Variants in ERBB4 observed in about 807,000 individuals in gnomAD.
The protein encoded by ERBB4 is erb-b2 receptor tyrosine kinase 4.
Under a neutral mutation model 158.0 loss-of-function variants are expected in ERBB4, and 42 were observed. That is an observed-to-expected ratio of 0.27 (90% confidence interval 0.21 to 0.34). The LOEUF (loss-of-function observed/expected upper bound fraction) is 0.34, where lower values mean the gene tolerates loss of function less well. ERBB4 is among the 10% of genes least tolerant of loss of function. ERBB4 has a pLI of 1.00. For synonymous variants in ERBB4, 583 were observed against 558.7 expected, an observed-to-expected ratio of 1.04 and a Z score of -0.61; for missense variants, 1,333 against 1,624.1, an observed-to-expected ratio of 0.82 and a Z score of 3.08.
At chr2:212,490,497 T>C (rs1247820381) in intron 1 of ERBB4, among the ~76,000 whole-genome samples, 2 of 151,896 alleles carry the variant, frequency 1.3e-5, no homozygotes, top group African/African-American at 4.8e-5. Flanking sequence ...GATTAGTATA[T>C]TATTTTTTAC....
chr2:212,318,141 T>G (rs2087380784), intron 1 of ERBB4, among the ~76,000 whole-genome samples: 1 of 151,516 alleles, frequency 6.6e-6, no homozygotes, highest in African/African-American at 2.4e-5. Context: ...CTCAGAAGTA[T>G]TATATAAATT....
Position 211,987,136 on chromosome 2 carries a change from C to A in ERBB4, c.235-39520G>T, listed in dbSNP as rs77377661. On this transcript the variant is annotated intron_variant, in intron 2 of 27. Transcript: ENST00000342788. ...AGAAGTTGAAGGCTGACCTAGCCAACATAGCAAAACCTGGTCTCTACTAAA... is the reference window on the plus strand; with the variant it reads ...AGAAGTTGAAGGCTGACCTAGCCAAAATAGCAAAACCTGGTCTCTACTAAA... Among the ~76,000 whole-genome samples, 554 of 151,968 alleles carry A rather than the reference C, an allele frequency of 3.6e-3. 2 individuals carry two copies. Among genetic ancestry groups the A allele is most frequent in the African/African-American group, 0.013 (529 of 41,466 alleles).
intron 1 of ERBB4, among the ~76,000 whole-genome samples, chr2:212,297,254 G>T (rs1490930976): frequency 6.6e-6 from 1 of 151,852 alleles, no homozygotes; most frequent in African/African-American, 2.4e-5. Context: ...AACAGTTTTG[G>T]CTTTCAATTA....
At chr2:212,105,498 C>T (rs148244458) in intron 2 of ERBB4, among the ~76,000 whole-genome samples, 25 of 152,234 alleles carry the variant, frequency 1.6e-4, no homozygotes, top group African/African-American at 4.3e-4. Context: ...TTAGCAATCA[C>T]GCTTTTTCTT....
At chr2:212,376,243 A>C (rs1475268409) in intron 1 of ERBB4, among the ~76,000 whole-genome samples, 1 of 152,034 alleles carries the variant, frequency 6.6e-6, no homozygotes, top group South Asian at 2.1e-4. Flanking sequence ...GAAATGAAAC[A>C]TGTATTTTCC....
At chr2:212,455,207 A>G (rs1240073188) in intron 1 of ERBB4, among the ~76,000 whole-genome samples, 3 of 123,848 alleles carry the variant, frequency 2.4e-5, no homozygotes, top group Non-Finnish European at 4.1e-5. Context: ...TTTTTCTCCC[A>G]CCTTTCCAAC....
chr2:211,948,200 G>A (rs1331052019), intron 2 of ERBB4, among the ~76,000 whole-genome samples: 1 of 152,070 alleles, frequency 6.6e-6, no homozygotes, highest in East Asian at 1.9e-4. Flanking sequence ...ACTTCTGGAG[G>A]CTGAGGCGAG....
At chr2:212,373,457 AG>A (rs2090154793) in intron 1 of ERBB4, among the ~76,000 whole-genome samples, 1 of 152,006 alleles carries the variant, frequency 6.6e-6, no homozygotes, top group African/African-American at 2.4e-5. Context: ...TAATAGTTAC[AG>A]TTTTCATTAT....
At position 212,240,009 on chromosome 2, in the gene ERBB4, T is replaced by C. The variant is rs111251321; in HGVS notation, c.83-115106A>G. Among the ~76,000 whole-genome samples the C allele has an allele frequency of 4.8e-3, 734 of 152,296 alleles. 7 individuals are homozygous for C. Among genetic ancestry groups the C allele is most frequent in the Middle Eastern group, 0.017 (5 of 294 alleles). ...AAAATCCAAATCTTAGATTAAAATG[T>C]GCATATTGTTACTTCTGTAGCTATG... On this transcript the variant is annotated intron_variant, in intron 1 of 27. Transcript: ENST00000342788.
At position 211,827,998 on chromosome 2, in the gene ERBB4, C is replaced by T. The variant is rs570828276; in HGVS notation, c.422-39839G>A. Among the ~76,000 whole-genome samples the T allele has an allele frequency of 2.0e-5, 3 of 152,228 alleles. No homozygotes were observed. In the East Asian group the frequency reaches 5.8e-4, roughly 29 times the overall value. On this transcript the variant is annotated intron_variant, in intron 3 of 27. Coordinates refer to ENST00000342788, the MANE Select transcript of ERBB4 (RefSeq NM_005235.3). ...CAAGTCTTGCCTTAGCAGAGCTATG[C>T]TAGAATTCACATCTTTTGACATTAA...
intron 19 of ERBB4, among the ~76,000 whole-genome samples, chr2:211,579,101 C>T (rs937414632): frequency 1.3e-5 from 2 of 151,754 alleles, no homozygotes; most frequent in African/African-American, 4.8e-5. Flanking sequence ...AACAATTTTA[C>T]AAGAAAAAAA....
chr2:211,889,484 C>A (rs1478402901), intron 3 of ERBB4, among the ~76,000 whole-genome samples: 2 of 151,662 alleles, frequency 1.3e-5, no homozygotes, highest in African/African-American at 4.9e-5. Context: ...CTCTAAAATG[C>A]AGAGCGCCTC....
intron 2 of ERBB4, among the ~76,000 whole-genome samples, chr2:212,060,697 A>T (rs953789032): frequency 6.7e-6 from 1 of 149,696 alleles, no homozygotes; most frequent in African/African-American, 2.4e-5. Context: ...ATTCTCAGCA[A>T]ATTATCTCAA....
Position 211,383,979 on chromosome 2 carries a change from T to C in ERBB4, c.3563A>G (p.Tyr1188Cys), listed in dbSNP as rs2062629882. ...GDLQALDNPE[Y>C]HNASNGPPKA... ...GGGTGGACCATTGGATGCATTGTGA[T>C]ATTCGGGATTATCCAATGCTTGAAG... Residue 1188 changes from tyrosine to cysteine, a missense_variant, in exon 28 of 28, where the codon TAT becomes TGT. Coordinates refer to ENST00000342788, the MANE Select transcript of ERBB4 (RefSeq NM_005235.3). 3 of 1,613,854 alleles carry C rather than the reference T, an allele frequency of 1.9e-6. No individual in the cohort carries two copies. The highest frequency in any genetic ancestry group is 1.1e-5 in the South Asian group (1 of 91,076).
intron 3 of ERBB4, among the ~76,000 whole-genome samples, chr2:211,812,061 T>A (rs1482157994): frequency 6.6e-6 from 1 of 152,206 alleles, no homozygotes; most frequent in Non-Finnish European, 1.5e-5. Context: ...TCCAGCTTTG[T>A]TCTGTTGCTG....
At chr2:211,654,520 C>A (rs2071135196) in intron 16 of ERBB4, among the ~76,000 whole-genome samples, 1 of 152,152 alleles carries the variant, frequency 6.6e-6, no homozygotes, top group Non-Finnish European at 1.5e-5. Flanking sequence ...TAGTCACTAA[C>A]CTACTGGATT....
At chr2:211,787,046 T>A (rs2076182162) in intron 4 of ERBB4, among the ~76,000 whole-genome samples, 1 of 152,232 alleles carries the variant, frequency 6.6e-6, no homozygotes, top group Non-Finnish European at 1.5e-5. Context: ...AATACATTCA[T>A]ATTTCCCATT....
At chr2:211,462,866 TCAATC>T (rs1347522762) in intron 20 of ERBB4, among the ~76,000 whole-genome samples, 2 of 152,198 alleles carry the variant, frequency 1.3e-5, no homozygotes, top group African/African-American at 4.8e-5. Flanking sequence ...TTGTTTCTCT[TCAATC>T]CAACCTCAAG....
chr2:212,132,498 T>G (rs2080136072), intron 1 of ERBB4, among the ~76,000 whole-genome samples: 1 of 152,160 alleles, frequency 6.6e-6, no homozygotes, highest in Non-Finnish European at 1.5e-5. Context: ...TCTGTTGCAG[T>G]GCAGGCACGG....
Sources: gnomAD v4.1 joint callset for allele counts (sites outside exome capture counted in the v4.1 genomes callset) on GRCh38, gnomAD v4.1.1 for gene constraint, MANE v1.5 for transcripts, NCBI Gene and HGNC (gene_info 2026-07-23, HGNC 2026-07-21) for gene names.